Variants in SLC12A3 observed in about 807,000 individuals in gnomAD.
The protein encoded by SLC12A3 is solute carrier family 12 member 3, also known as Na-Cl cotransporter.
A neutral mutation model predicts 121.0 loss-of-function variants in SLC12A3; 104 were observed. The ratio of observed to expected loss-of-function variants is 0.86; its 90% CI spans 0.73 to 1.01. The LOEUF is 1.01. Ranked by LOEUF, SLC12A3 falls within the 50% of genes least tolerant of loss-of-function variation. The pLI, the probability that SLC12A3 is intolerant of heterozygous loss-of-function variation, is 0.00. For missense variants in SLC12A3, 1,328 were observed against 1,356.3 expected (o/e 0.98, Z 0.33); for synonymous variants, 536 against 533.4 (o/e 1.00, Z -0.07).
chr16:56,896,199 C>T (rs1227475425), intron 22 of SLC12A3, among the ~76,000 whole-genome samples: 1 of 152,212 alleles, frequency 6.6e-6, no homozygotes, highest in Non-Finnish European at 1.5e-5. Flanking sequence ...GCAAATACCA[C>T]TGAGTCTTTT....
chr16:56,906,221 G>A (rs527913638), intron 25 of SLC12A3, among the ~76,000 whole-genome samples: 3 of 152,314 alleles, frequency 2.0e-5, no homozygotes, highest in Admixed American at 6.5e-5. Context: ...TACTGTGTAC[G>A]TTGCATGCAT....
intron 23 of SLC12A3, among the ~76,000 whole-genome samples, chr16:56,899,885 C>G (rs997751859): frequency 2.6e-5 from 4 of 152,198 alleles, no homozygotes; most frequent in Non-Finnish European, 5.9e-5. Flanking sequence ...AGGTGAGTGA[C>G]CTGGGCAACA....
intron 25 of SLC12A3, among the ~76,000 whole-genome samples, chr16:56,912,320 C>G (rs1338021622): frequency 6.6e-6 from 1 of 152,372 alleles, no homozygotes; most frequent in South Asian, 2.1e-4. Context: ...GTAGAAAAGT[C>G]ACTTCCTGAA....
chr16:56,876,583 C>A (rs1051447168), intron 8 of SLC12A3, among the ~76,000 whole-genome samples: 1 of 152,198 alleles, frequency 6.6e-6, no homozygotes, highest in Non-Finnish European at 1.5e-5. Flanking sequence ...GGCACTTGGC[C>A]AAGGCTTGGA....
Position 56,885,279 on chromosome 16 carries a change from T to C in SLC12A3, c.1840T>C (p.Ser614Pro), listed in dbSNP as rs879624987. ...IYKKPEVNWG[S>P]SVQAGSYNLA... ...TGCTCTCCCAGAGGTAAATTGGGGC[T>C]CCTCGGTACAGGCTGGCTCCTACAA... is the stretch of plus-strand genomic sequence containing the variant. The change falls in exon 15 of 26, where the codon TCC becomes CCC. Residue 614 changes from serine (S) to proline (P), a missense_variant. Coordinates refer to ENST00000563236, the MANE Select transcript of SLC12A3 (RefSeq NM_001126108.2). 3.2e-6 allele frequency: 5 copies of C among 1,552,840 alleles called. No individual in the cohort carries two copies. Among genetic ancestry groups the C allele is most frequent in the Non-Finnish European group, 4.4e-6 (5 of 1,147,438 alleles).
chr16:56,892,939 C>A lies in SLC12A3; in HGVS notation c.2420-14C>A, dbSNP rs1195708253. On this transcript the variant is annotated splice_polypyrimidine_tract_variant and intron_variant, in intron 20 of 25. Coordinates refer to ENST00000563236, the MANE Select transcript of SLC12A3 (RefSeq NM_001126108.2). The stretch of plus-strand genomic sequence containing the variant: ...GCTGCTGGCTCTGCTCTGACCCGCC[C>A]CCACCTCCTGCAGTGGACCCCAAGG... 1 of 1,611,214 alleles carries A rather than the reference C, an allele frequency of 6.2e-7. No individual in the cohort carries two copies. The highest frequency in any genetic ancestry group is 1.7e-5 in the Admixed American group (1 of 59,966).
At position 56,911,306 on chromosome 16, in the gene SLC12A3, C is replaced by G. The variant is rs74904678; in HGVS notation, c.2925-1958C>G. Among the ~76,000 whole-genome samples the G allele has an allele frequency of 3.7e-5, 5 of 134,176 alleles. 1 individual carries two copies. In the East Asian group the frequency reaches 6.2e-4, roughly 17 times the overall value. 88.0% of individuals were successfully genotyped at this position (134,176 alleles called of 152,430 possible). ...ACCCACCTTCCCTAATTTTTGAGAC[C>G]TTTTGTTTGTTTGTTTGTTTGTTTG... On this transcript the variant is annotated intron_variant, in intron 25 of 25. Transcript: ENST00000563236.
At chr16:56,879,286 C>T in intron 10 of SLC12A3, 59 bp downstream of exon 10, 1 of 1,601,514 alleles carries the variant, frequency 6.2e-7, no homozygotes. Context: ...GGCTGCAGGG[C>T]CCCTTGCAGG....
At position 56,873,707 on chromosome 16, in the gene SLC12A3, T is replaced by A. The variant is rs1453437812; in HGVS notation, c.1095+921T>A. ...CTAGCCTCTTTTATTTATTTTATTT[T>A]ATTTTTTTTTTTTTGAGATGAAGTC... On this transcript the variant is annotated intron_variant, in intron 8 of 25. Transcript: ENST00000563236. Among the ~76,000 whole-genome samples the A allele has an allele frequency of 4.3e-5, 5 of 115,862 alleles. No homozygotes were observed. In the East Asian group the frequency reaches 1.0e-3, roughly 24 times the overall value. The allele number at this position is 115,862 out of a possible 152,430, so 76.0% of individuals were successfully genotyped here.
chr16:56,870,569 C>A, intron 5 of SLC12A3, 57 bp from the exon 6 acceptor site: 1 of 1,189,250 alleles, frequency 8.4e-7, no homozygotes, highest in Non-Finnish European at 1.3e-6. Context: ...TGGGCAGAGT[C>A]TGGGGGATGG....
In SLC12A3 at chr16:56,902,407, C is replaced by A; in HGVS notation, c.2755C>A (p.Arg919Ser). The A allele has an allele frequency of 6.2e-7, 1 of 1,612,506 alleles. No homozygotes were observed. The highest frequency in any genetic ancestry group is 8.5e-7 in the Non-Finnish European group (1 of 1,179,060). The change falls in exon 24 of 26, where the codon CGT becomes AGT. Residue 919 changes from arginine (R) to serine (S), a missense_variant. By Grantham distance (110) the Arg-to-Ser change is moderately radical. Coordinates refer to ENST00000563236, the MANE Select transcript of SLC12A3 (RefSeq NM_001126108.2). ...KRFEDMIAPF[R>S]LNDGFKDEAT... ...GTTTGAGGACATGATTGCACCCTTC[C>A]GTCTGAATGATGGCTTCAAGGATGA...
At chr16:56,902,625 C>A (rs1419058187) in intron 24 of SLC12A3, 117 bp downstream of exon 24, 10 of 1,297,974 alleles carry the variant, frequency 7.7e-6, no homozygotes, top group African/African-American at 2.9e-5. Context: ...CCTTCCACTC[C>A]GGCCCCTGAG....
intron 18 of SLC12A3, 21 bp downstream of exon 18, chr16:56,888,052 G>A (rs2055343176): frequency 1.3e-6 from 2 of 1,570,042 alleles, no homozygotes; most frequent in Non-Finnish European, 1.8e-6. Context: ...GGAGAGGAAG[G>A]GGCTTGGGGT....
At chr16:56,866,428 T>G (rs1964358467) in intron 1 of SLC12A3, among the ~76,000 whole-genome samples, 1 of 152,180 alleles carries the variant, frequency 6.6e-6, no homozygotes, top group Admixed American at 6.5e-5. Flanking sequence ...CGTCAGTCAC[T>G]TGGGGCACAA....
rs16963395 is a variant in SLC12A3, at chr16:56,893,332, C to T, written c.2521+278C>T. Among the ~76,000 whole-genome samples, 18,662 of 152,122 alleles carry T rather than the reference C, an allele frequency of 0.12. 1,989 individuals are homozygous for T. The highest frequency in any genetic ancestry group is 0.28 in the African/African-American group (11,577 of 41,426). On this transcript the variant is annotated intron_variant, in intron 21 of 25. Transcript: ENST00000563236. ...CAGGTGATATAAATGGGGAGATGGG[C>T]GGTGCCCAGGAAAGCTGGAGGAATA...
chr16:56,876,247 C>T (rs1190746266), intron 8 of SLC12A3, among the ~76,000 whole-genome samples: 3 of 152,172 alleles, frequency 2.0e-5, no homozygotes, highest in South Asian at 2.1e-4. Context: ...CACCCTAATC[C>T]GGTATGACCT....
In SLC12A3 at chr16:56,908,610, G is replaced by A. The variant is rs539552009; in HGVS notation, c.2924+4148G>A. The stretch of plus-strand genomic sequence containing the variant: ...GGGACCCTCCGGAGCAGAAGGCCCC[G>A]TGTGACTGTGCTGGTTGCACACCCA... On this transcript the variant is annotated intron_variant, in intron 25 of 25. Transcript: ENST00000563236. Among the ~76,000 whole-genome samples the A allele has an allele frequency of 2.6e-3, 403 of 152,340 alleles. 2 individuals are homozygous for A. The highest frequency in any genetic ancestry group is 4.6e-3 in the Non-Finnish European group (313 of 68,028).
At chr16:56,911,035 A>G (rs75109156) in intron 25 of SLC12A3, among the ~76,000 whole-genome samples, 15,280 of 152,230 alleles carry the variant, frequency 0.1, 1,049 homozygotes, top group East Asian at 0.23. Context: ...CTGAAGCTTG[A>G]AAGTCTGACA....
intron 24 of SLC12A3, 23 bp downstream of exon 24, chr16:56,902,531 G>GGCC: frequency 3.1e-5 from 22 of 714,486 alleles, no homozygotes; most frequent in East Asian, 1.2e-4. Flanking sequence ...GTGGGGGTGG[G>GGCC]AAACGCGACA....
Sources: allele counts gnomAD v4.1 joint callset (sites outside exome capture counted in the v4.1 genomes callset), GRCh38; gene constraint gnomAD v4.1.1; transcripts MANE v1.5; gene names NCBI Gene and HGNC (gene_info 2026-07-23, HGNC 2026-07-21).